DLEU7: variants seen among roughly 807,000 people sequenced by gnomAD.
DLEU7 encodes the protein leukemia-associated protein 7.
Under a neutral mutation model 16.0 loss-of-function variants are expected in DLEU7, and 17 were observed. That is an observed-to-expected ratio of 1.06 (90% CI 0.73 to 1.59). DLEU7 has a LOEUF of 1.59. Ranked by LOEUF, DLEU7 falls within the 40% of genes most tolerant of loss-of-function variation. DLEU7 has a pLI of 0.00. For missense variants in DLEU7, 308 were observed against 314.9 expected, an observed-to-expected ratio of 0.98 and a Z score of 0.17; for synonymous variants, 113 against 139.8, an observed-to-expected ratio of 0.81 and a Z score of 1.35.
chr13:50,820,113 T>C (rs1293078426), downstream of DLEU7, among the ~76,000 whole-genome samples: 1 of 152,052 alleles, frequency 6.6e-6, no homozygotes, highest in African/African-American at 2.4e-5. Flanking sequence ...TCAAGTAATA[T>C]GAGGATTGTG....
chr13:50,741,823 A>G (rs962385679), intron 1 of DLEU7, among the ~76,000 whole-genome samples: 1 of 152,234 alleles, frequency 6.6e-6, no homozygotes, highest in African/African-American at 2.4e-5. Flanking sequence ...CCAAAAACAC[A>G]GTAACTCATT....
chr13:50,715,932 C>A (rs1367123632), intron 1 of DLEU7, among the ~76,000 whole-genome samples: 1 of 152,250 alleles, frequency 6.6e-6, no homozygotes, highest in Non-Finnish European at 1.5e-5. Context: ...TGCTACCCTG[C>A]AGCTCCCTGC....
rs187529837 is a variant in DLEU7 at position 50,797,517 on chromosome 13, A to G, written c.459+45671T>C. ...GAAGAATCAAAAACATTTTTTAAGT[A>G]GGACTAGGAAATGGAAAAAGAGTAG... On this transcript the variant is annotated intron_variant, in intron 1 of 1. Transcript: ENST00000400393. Among the ~76,000 whole-genome samples, 438 of 152,330 alleles carry G rather than the reference A, an allele frequency of 2.9e-3. 2 individuals are homozygous for G. Among genetic ancestry groups the G allele is most frequent in the African/African-American group, 0.01 (423 of 41,572 alleles).
chr13:50,765,797 C>T (rs770390872), intron 1 of DLEU7, among the ~76,000 whole-genome samples: 1 of 152,024 alleles, frequency 6.6e-6, no homozygotes, highest in Admixed American at 6.6e-5. Context: ...GGAGACATGG[C>T]CATTGTTGTG....
intron 1 of DLEU7, among the ~76,000 whole-genome samples, chr13:50,749,810 T>A (rs190326118): frequency 6.6e-6 from 1 of 152,336 alleles, no homozygotes; most frequent in East Asian, 1.9e-4. Flanking sequence ...CTTACTGATT[T>A]GAGTTCGTTG....
At chr13:50,772,151 A>T (rs936214878) in intron 1 of DLEU7, among the ~76,000 whole-genome samples, 1 of 152,082 alleles carries the variant, frequency 6.6e-6, no homozygotes, top group African/African-American at 2.4e-5. Context: ...TTTTGAGCCT[A>T]TGTGTGTCTC....
chr13:50,815,634 T>C (rs528717573), intron 1 of DLEU7, among the ~76,000 whole-genome samples: 19 of 152,240 alleles, frequency 1.2e-4, no homozygotes, highest in African/African-American at 4.6e-4. Context: ...CCAAGAAATG[T>C]AGGAATGTTT....
chr13:50,810,169 C>A (rs1242978084), intron 1 of DLEU7, among the ~76,000 whole-genome samples: 1 of 138,504 alleles, frequency 7.2e-6, no homozygotes, highest in East Asian at 2.0e-4. Context: ...CTATACTTTC[C>A]GGAAAAGAAA....
intron 1 of DLEU7, among the ~76,000 whole-genome samples, chr13:50,801,284 C>T (rs911055554): frequency 3.3e-5 from 5 of 152,026 alleles, no homozygotes; most frequent in African/African-American, 1.2e-4. Flanking sequence ...ATAACTACAC[C>T]GTCACCCCTC....
intron 1 of DLEU7, among the ~76,000 whole-genome samples, chr13:50,803,746 CACTA>C (rs1234584869): frequency 1.3e-5 from 2 of 152,038 alleles, no homozygotes; most frequent in African/African-American, 4.8e-5. Flanking sequence ...TTACTTTTTA[CACTA>C]ACTACTAGAA....
At chr13:50,780,163 G>T (rs559824406) in intron 1 of DLEU7, among the ~76,000 whole-genome samples, 7 of 152,130 alleles carry the variant, frequency 4.6e-5, no homozygotes, top group African/African-American at 1.7e-4. Context: ...TACAGCCATG[G>T]TGGAGCCCCT....
intron 1 of DLEU7, among the ~76,000 whole-genome samples, chr13:50,833,405 C>CAG (rs1483098484): frequency 1.3e-5 from 2 of 152,132 alleles, no homozygotes; most frequent in African/African-American, 4.8e-5. Context: ...ACACCAATAA[C>CAG]AGAGAGCCAA....
At chr13:50,828,982 T>C (rs1345673429) in intron 1 of DLEU7, among the ~76,000 whole-genome samples, 2 of 152,214 alleles carry the variant, frequency 1.3e-5, no homozygotes, top group Non-Finnish European at 2.9e-5. Flanking sequence ...GCTGTTAAGA[T>C]CAAGCCTGTC....
intron 1 of DLEU7, among the ~76,000 whole-genome samples, chr13:50,840,356 G>T (rs567104750): frequency 6.6e-6 from 1 of 152,314 alleles, no homozygotes; most frequent in South Asian, 2.1e-4. Context: ...AAGTCTAAGT[G>T]CTGTGTAATC....
intron 1 of DLEU7, among the ~76,000 whole-genome samples, chr13:50,757,036 C>T (rs1874782876): frequency 6.6e-6 from 1 of 152,216 alleles, no homozygotes; most frequent in Non-Finnish European, 1.5e-5. Flanking sequence ...GTTTCCCTTT[C>T]CCACTTCTGC....
chr13:50,821,437 C>T (rs531415297), downstream of DLEU7, among the ~76,000 whole-genome samples: 139 of 151,948 alleles, frequency 9.1e-4, no homozygotes, highest in Non-Finnish European at 5.4e-4. Flanking sequence ...CTAGATAATC[C>T]CTATCTTCAG....
intron 1 of DLEU7, chr13:50,807,837 C>T (rs1436427760): frequency 6.6e-6 from 1 of 152,098 alleles, no homozygotes; most frequent in Non-Finnish European, 1.5e-5. Context: ...GCTAAAGGGA[C>T]TTTCTTTCTG....
At chr13:50,751,856 A>G (rs1185732004) in intron 1 of DLEU7, among the ~76,000 whole-genome samples, 1 of 151,752 alleles carries the variant, frequency 6.6e-6, no homozygotes, top group Non-Finnish European at 1.5e-5. Flanking sequence ...ATGGTCTATC[A>G]ATTTTATTTA....
intron 1 of DLEU7, among the ~76,000 whole-genome samples, chr13:50,827,297 G>T (rs1877118985): frequency 6.6e-6 from 1 of 152,226 alleles, no homozygotes; most frequent in Non-Finnish European, 1.5e-5. Flanking sequence ...AGACTTGTTA[G>T]GTACATGTGT....
Sources: allele counts gnomAD v4.1 joint callset (sites outside exome capture counted in the v4.1 genomes callset), GRCh38; gene constraint gnomAD v4.1.1; transcripts MANE v1.5; gene names NCBI Gene and HGNC (gene_info 2026-07-23, HGNC 2026-07-21).